Variants in NOL9 observed in about 807,000 individuals in gnomAD.
The protein encoded by NOL9 is nucleolar protein 9.
In NOL9, 28 loss-of-function variants were observed where a neutral mutation model predicts 67.9. The observed-to-expected ratio is 0.41, with a 90% CI of 0.31 to 0.57. The LOEUF (loss-of-function observed/expected upper bound fraction) is 0.57. Ranked by LOEUF, NOL9 falls within the 20% of genes least tolerant of loss-of-function variation. The pLI is 0.25. For synonymous variants in NOL9, 356 were observed against 352.2 expected (o/e 1.01, Z -0.12); for missense variants, 777 against 897.0 (o/e 0.87, Z 1.71).
chr1:6,553,767 GGGATGCGGA>G (rs539427100), intron 1 of NOL9, among the ~76,000 whole-genome samples: 4 of 152,224 alleles, frequency 2.6e-5, no homozygotes, highest in African/African-American at 9.6e-5. Context: ...GCTTCAACCC[GGGATGCGGA>G]GGTTGCAGTG....
At chr1:6,541,609 A>T (rs1373364955) in intron 6 of NOL9, among the ~76,000 whole-genome samples, 1 of 152,236 alleles carries the variant, frequency 6.6e-6, no homozygotes, top group East Asian at 1.9e-4. Flanking sequence ...TACCCAACTA[A>T]TTTCATAAAA....
chr1:6,528,692 G>A (rs754008857), intron 10 of NOL9, among the ~76,000 whole-genome samples: 4 of 152,202 alleles, frequency 2.6e-5, no homozygotes, highest in African/African-American at 4.8e-5. Context: ...AAAAGGCAAC[G>A]CCTAAAATGG....
At chr1:6,532,906 C>T (rs1174780747) in intron 7 of NOL9, 146 bp from the exon 8 acceptor site, 2 of 819,696 alleles carry the variant, frequency 2.4e-6, no homozygotes, top group Admixed American at 5.9e-5. Context: ...GGCACAGTGG[C>T]TCATGTTTGT....
chr1:6,550,076 G>A (rs970209046), intron 2 of NOL9, among the ~76,000 whole-genome samples: 3 of 152,028 alleles, frequency 2.0e-5, no homozygotes, highest in African/African-American at 7.3e-5. Flanking sequence ...CTGTTGCCCA[G>A]GCTGGAGTGC....
In NOL9 at chr1:6,521,645, T is replaced by C. The variant is rs1045214414; in HGVS notation, c.*4209A>G. 5.3e-5 allele frequency: 8 copies of C among 152,350 alleles called. No homozygotes were observed. Among genetic ancestry groups the C allele is most frequent in the South Asian group, 4.1e-4 (2 of 4,828 alleles). The allele number at this position is 152,350 out of a possible 1,614,324, so 9.4% of individuals were successfully genotyped here. Reference sequence around the variant, plus strand: ...CAAGGGCTCTTTGACCACAGGAAGCTTGGTAGCAACAATTTTAAGGTGAAC... The same window carrying C: ...CAAGGGCTCTTTGACCACAGGAAGCCTGGTAGCAACAATTTTAAGGTGAAC... On this transcript the variant is annotated 3_prime_UTR_variant, in exon 12 of 12. Transcript: ENST00000377705.
chr1:6,548,701 A>G (rs1178832301), intron 3 of NOL9: 1 of 179,786 alleles, frequency 5.6e-6, no homozygotes, highest in Non-Finnish European at 1.2e-5. Flanking sequence ...AAGAAAATAT[A>G]AGTTCATTTA....
rs767610164 is a variant in NOL9, at chr1:6,533,304, C to T, written c.1213G>A (p.Val405Ile). The T allele has an allele frequency of 1.2e-5, 20 of 1,605,754 alleles. 1 individual carries two copies. In the South Asian group the frequency reaches 1.8e-4, roughly 14 times the overall value. ...SAYKRESPLIVNTMGWVSDQG... is the reference protein window; with the variant it reads ...SAYKRESPLIINTMGWVSDQG... Reference sequence around the variant, plus strand: ...CCTGAAACCCATCCCATAGTGTTGACGATGAGAGGGGACTCTCTCTTGTAA... The same window carrying T: ...CCTGAAACCCATCCCATAGTGTTGATGATGAGAGGGGACTCTCTCTTGTAA... The change falls in exon 7 of 12, where the codon GTC becomes ATC. Residue 405 changes from valine (V) to isoleucine (I), a missense_variant. Physicochemically the swap from Val to Ile is conservative, Grantham distance 29. This residue lies in a region of NOL9 where 413 missense variants were observed against 552.6 expected (regional missense o/e 0.75). Coordinates refer to ENST00000377705, the MANE Select transcript of NOL9 (RefSeq NM_024654.5).
At chr1:6,527,062 A>G (rs1638902083) in intron 10 of NOL9, among the ~76,000 whole-genome samples, 2 of 152,104 alleles carry the variant, frequency 1.3e-5, no homozygotes, top group African/African-American at 4.8e-5. Flanking sequence ...CTTGGGCAAC[A>G]CAGTGAAACC....
chr1:6,525,536 C>A lies in NOL9; in HGVS notation c.*318G>T, dbSNP rs1162496196. On this transcript the variant is annotated 3_prime_UTR_variant, in exon 12 of 12. Transcript: ENST00000377705. ...ATGGCCCCAGTTTCCTTATTTTTAT[C>A]CTGATTCTAATAACCAGGTCCCTGA... The A allele has an allele frequency of 3.1e-5, 9 of 287,476 alleles. No individual in the cohort carries two copies. In the East Asian group the frequency reaches 3.7e-4, roughly 12 times the overall value. The allele number at this position is 287,476 out of a possible 1,614,324, so 17.8% of individuals were successfully genotyped here. A position where few individuals can be genotyped will look rare whatever the true frequency, so the allele number is the denominator to read the frequency against.
At chr1:6,548,646 T>TA in intron 3 of NOL9, 1 of 310,224 alleles carries the variant, frequency 3.2e-6, no homozygotes, top group South Asian at 3.1e-5. Context: ...TTTTGACTAA[T>TA]AAAAATTAAG....
At chr1:6,542,604 T>C (rs182409661) in intron 5 of NOL9, among the ~76,000 whole-genome samples, 322 of 150,686 alleles carry the variant, frequency 2.1e-3, no homozygotes, top group Middle Eastern at 0.011. Flanking sequence ...ATTACAGGCA[T>C]GTGCCACCAC....
chr1:6,534,969 A>G (rs1639116961), intron 6 of NOL9, among the ~76,000 whole-genome samples: 1 of 151,996 alleles, frequency 6.6e-6, no homozygotes, highest in Non-Finnish European at 1.5e-5. Flanking sequence ...ACACCTGGCT[A>G]ATTTTTGGAC....
rs1284815167 is a variant in NOL9, at chr1:6,532,473, G to A, written c.1525C>T (p.Pro509Ser). 5.6e-6 allele frequency: 9 copies of A among 1,608,852 alleles called. No homozygotes were observed. The highest frequency in any genetic ancestry group is 7.7e-6 in the Non-Finnish European group (9 of 1,176,118). The stretch of plus-strand genomic sequence containing the variant: ...ATGAGGGTTAGTTACCTATTTCTTG[G>A]AGTTATTCTGAATGCAAAGTCTGTA... ...VYTDFAFRIT[P>S]RNRESHNKIL... is the part of the protein sequence containing the mutation. Residue 509 changes from proline (P) to serine (S), a missense_variant, in exon 8 of 12, where the codon CCA (proline) becomes TCA (serine). Pro to Ser is a moderately conservative substitution (Grantham distance 74, BLOSUM62 -1). Transcript: ENST00000377705.
rs1180746901 is a variant in NOL9 at position 6,554,086 on chromosome 1, C to T, written c.396+21G>A. 7.9e-6 allele frequency: 12 copies of T among 1,512,258 alleles called. No homozygotes were observed. The Admixed American group carries it at 2.5e-4, about 32-fold the overall frequency. The allele number at this position is 1,512,258 out of a possible 1,614,324, so 93.7% of individuals were successfully genotyped here. On this transcript the variant is annotated intron_variant, in intron 1 of 11. Coordinates refer to ENST00000377705, the MANE Select transcript of NOL9 (RefSeq NM_024654.5). The stretch of plus-strand genomic sequence containing the variant: ...CAGCCCTCCCTGCCCTCGGGGACTA[C>T]TACCGGCGCCCCCCACCTACCTGCT...
In NOL9 at chr1:6,523,613, G is replaced by T. The variant is rs1352983808; in HGVS notation, c.*2241C>A. 4 of 128,696 alleles carry T rather than the reference G, an allele frequency of 3.1e-5. No individual in the cohort carries two copies. In the East Asian group the frequency reaches 9.1e-4, roughly 29 times the overall value. The allele number at this position is 128,696 out of a possible 1,614,324, so 8.0% of individuals were successfully genotyped here. A position where few individuals can be genotyped will look rare whatever the true frequency, so the allele number is the denominator to read the frequency against. On this transcript the variant is annotated 3_prime_UTR_variant, in exon 12 of 12. Transcript: ENST00000377705. ...AAAAAAAAAAAAAAAAGGATAAAAA[G>T]GCCACTGCCATCAATAATGGGATGA... is the stretch of plus-strand genomic sequence containing the variant.
chr1:6,540,939 A>T (rs959436723), intron 6 of NOL9: 14 of 149,318 alleles, frequency 9.4e-5, no homozygotes, highest in African/African-American at 3.2e-4. Context: ...ATAACATATT[A>T]TTTTTTTTAA....
Position 6,524,544 on chromosome 1 carries a change from T to C in NOL9, c.*1310A>G, listed in dbSNP as rs932319251. The C allele has an allele frequency of 6.6e-6, 1 of 152,062 alleles. No homozygotes were observed. The highest frequency in any genetic ancestry group is 1.5e-5 in the Non-Finnish European group (1 of 68,048). 9.4% of individuals were successfully genotyped at this position (152,062 alleles called of 1,614,324 possible). On this transcript the variant is annotated 3_prime_UTR_variant, in exon 12 of 12. Coordinates refer to ENST00000377705, the MANE Select transcript of NOL9 (RefSeq NM_024654.5). ...CAGGAAAAAGCTCTAAATGGCAGGG[T>C]TGTTCATAGGTGCAAGTTCAGGTCC...
chr1:6,535,877 G>A (rs561912495), intron 6 of NOL9, among the ~76,000 whole-genome samples: 59 of 149,694 alleles, frequency 3.9e-4, no homozygotes, highest in African/African-American at 1.1e-3. Flanking sequence ...GCAGTGAGCC[G>A]AGATCGTGCT....
At chr1:6,547,621 G>C (rs1485040200) in intron 3 of NOL9, among the ~76,000 whole-genome samples, 1 of 152,112 alleles carries the variant, frequency 6.6e-6, no homozygotes, top group East Asian at 1.9e-4. Context: ...AGCACTTTTG[G>C]AGGCAGGTGG....
Sources: gnomAD v4.1 joint callset for allele counts (sites outside exome capture counted in the v4.1 genomes callset) on GRCh38, gnomAD v4.1.1 for gene constraint, gnomAD v4.1.1 regional missense constraint, MANE v1.5 for transcripts, NCBI Gene and HGNC (gene_info 2026-07-23, HGNC 2026-07-21) for gene names.